Variants in CEP128 observed in about 807,000 individuals in gnomAD.
CEP128 encodes centrosomal protein 128kDa.
In CEP128, 132 loss-of-function variants were observed where a neutral mutation model predicts 156.7. That is an observed-to-expected ratio of 0.84 (90% CI 0.73 to 0.97). The LOEUF (loss-of-function observed/expected upper bound fraction) is 0.97. Ranked by LOEUF, CEP128 falls within the 50% of genes least tolerant of loss-of-function variation. The probability of loss-of-function intolerance (pLI) is 0.00; values close to 1 mark genes in which losing one functional copy is unlikely to be tolerated. For synonymous variants in CEP128, 469 were observed against 448.9 expected (o/e 1.04, Z -0.57); for missense variants, 1,252 against 1,281.9 (o/e 0.98, Z 0.36).
chr14:80,644,144 G>T (rs1330312611), intron 19 of CEP128, among the ~76,000 whole-genome samples: 1 of 152,150 alleles, frequency 6.6e-6, no homozygotes, highest in Non-Finnish European at 1.5e-5. Context: ...AGACAAAGAA[G>T]CACTCTTCCC....
At chr14:80,815,865 G>A (rs1279340528) in intron 13 of CEP128, among the ~76,000 whole-genome samples, 1 of 152,194 alleles carries the variant, frequency 6.6e-6, no homozygotes, top group African/African-American at 2.4e-5. Context: ...TTTATACGTG[G>A]AAGGTAAATA....
chr14:80,784,809 T>A, intron 15 of CEP128, 86 bp downstream of exon 15: 1 of 1,118,002 alleles, frequency 8.9e-7, no homozygotes, highest in East Asian at 2.4e-5. Flanking sequence ...GAATACAGAA[T>A]GATCTCTAAA....
At chr14:80,526,522 G>A (rs1300097384) in intron 23 of CEP128, among the ~76,000 whole-genome samples, 2 of 152,070 alleles carry the variant, frequency 1.3e-5, no homozygotes, top group Admixed American at 6.5e-5. Context: ...AGTGTGGAGA[G>A]CAGCTAGACT....
At chr14:80,804,612 C>T (rs1156815984) in intron 13 of CEP128, among the ~76,000 whole-genome samples, 2 of 151,822 alleles carry the variant, frequency 1.3e-5, no homozygotes, top group Non-Finnish European at 1.5e-5. Context: ...GATACAAATA[C>T]CACAGTGAGA....
chr14:80,517,993 G>C lies in CEP128; in HGVS notation c.3072+8876C>G, dbSNP rs186226174. 3.0e-3 allele frequency among the ~76,000 whole-genome samples: 456 copies of C among 152,100 alleles called. 1 individual carries two copies. Among genetic ancestry groups the C allele is most frequent in the Non-Finnish European group, 5.0e-3 (342 of 68,010 alleles). The stretch of plus-strand genomic sequence containing the variant: ...TCTGTGATGGCAGCAAACAGCAGTG[G>C]TGGACGGTGAGCGAAAGCTCAGCTT... On this transcript the variant is annotated intron_variant, in intron 23 of 24. Coordinates refer to ENST00000555265, the MANE Select transcript of CEP128 (RefSeq NM_152446.5).
chr14:80,613,007 A>ATTTTTTTTTTTTTT (rs66946967), intron 19 of CEP128, among the ~76,000 whole-genome samples: 3 of 114,700 alleles, frequency 2.6e-5, no homozygotes, highest in African/African-American at 9.7e-5. Flanking sequence ...CACCCGGCGA[A>ATTTTTTTTTTTTTT]TTTTTTTTTT....
chr14:80,510,055 G>A, intron 23 of CEP128, among the ~76,000 whole-genome samples: 1 of 152,126 alleles, frequency 6.6e-6, no homozygotes, highest in Non-Finnish European at 1.5e-5. Context: ...GTCAGGTAAT[G>A]TGATTCCTCC....
intron 20 of CEP128, among the ~76,000 whole-genome samples, chr14:80,563,586 T>G (rs1890787024): frequency 7.6e-6 from 1 of 132,278 alleles, no homozygotes; most frequent in African/African-American, 3.0e-5. Flanking sequence ...CAGGCTGGAG[T>G]GCAGTGGCAC....
At chr14:80,819,736 G>T (rs903584028) in intron 13 of CEP128, among the ~76,000 whole-genome samples, 9 of 152,080 alleles carry the variant, frequency 5.9e-5, no homozygotes, top group Non-Finnish European at 1.0e-4. Flanking sequence ...GGTTGTTCTA[G>T]GAAAACCAAC....
chr14:80,836,221 G>T lies in CEP128; in HGVS notation c.1041C>A (p.Asp347Glu). 6.2e-7 allele frequency: 1 copy of T among 1,613,876 alleles called. No individual in the cohort carries two copies. The highest frequency in any genetic ancestry group is 1.6e-4 in the Middle Eastern group (1 of 6,062). The change falls in exon 12 of 25, where the codon GAC becomes GAA. Residue 347 changes from aspartate to glutamate, a missense_variant. Asp to Glu is a conservative substitution (Grantham distance 45, BLOSUM62 2). Transcript: ENST00000555265. ...QSNYQDEQGE[D>E]WRFRRGVERE... ...TACTTTTACCTCTCCTAAATCTCCA[G>T]TCCTCCCCTTGTTCATCCTGATAGT...
intron 2 of CEP128, among the ~76,000 whole-genome samples, chr14:80,928,767 C>T (rs1885284693): frequency 6.6e-6 from 1 of 151,870 alleles, no homozygotes; most frequent in African/African-American, 2.4e-5. Flanking sequence ...AAGACCTAAA[C>T]CTATAAAAAA....
At chr14:80,579,198 T>C (rs550369596) in intron 20 of CEP128, among the ~76,000 whole-genome samples, 45 of 152,186 alleles carry the variant, frequency 3.0e-4, no homozygotes, top group Non-Finnish European at 5.6e-4. Context: ...ACTTTCTCAA[T>C]ATACACATTT....
At chr14:80,872,514 T>C (rs1378150363) in intron 8 of CEP128, among the ~76,000 whole-genome samples, 3 of 152,190 alleles carry the variant, frequency 2.0e-5, no homozygotes, top group African/African-American at 4.8e-5. Flanking sequence ...TAAACAACTG[T>C]AGCCTCAGAA....
intron 9 of CEP128, among the ~76,000 whole-genome samples, chr14:80,845,875 C>CATA (rs1429991550): frequency 2.0e-5 from 3 of 152,172 alleles, no homozygotes; most frequent in African/African-American, 7.2e-5. Flanking sequence ...GATGGCCTAG[C>CATA]ATAAATTCAC....
intron 19 of CEP128, among the ~76,000 whole-genome samples, chr14:80,665,185 T>A (rs543170547): frequency 1.3e-5 from 2 of 152,294 alleles, no homozygotes; most frequent in South Asian, 4.1e-4. Context: ...TTGGGAGCAG[T>A]GCTGCTTTAC....
intron 20 of CEP128, among the ~76,000 whole-genome samples, chr14:80,568,195 T>C (rs375183374): frequency 2.6e-5 from 4 of 152,182 alleles, no homozygotes; most frequent in African/African-American, 9.7e-5. Flanking sequence ...ATCTCCTTTG[T>C]TTCCCCGAAG....
intron 23 of CEP128, among the ~76,000 whole-genome samples, chr14:80,518,979 A>G (rs1341691194): frequency 6.6e-6 from 1 of 152,216 alleles, no homozygotes; most frequent in African/African-American, 2.4e-5. Flanking sequence ...AACTTCTATA[A>G]AAGTAAATTT....
intron 5 of CEP128, among the ~76,000 whole-genome samples, chr14:80,905,276 AAAC>A (rs1378588177): frequency 6.6e-6 from 1 of 152,136 alleles, no homozygotes; most frequent in African/African-American, 2.4e-5. Flanking sequence ...ATACTAAAAA[AAAC>A]AACTTTTCAA....
At chr14:80,601,689 G>A (rs1892588168) in intron 19 of CEP128, among the ~76,000 whole-genome samples, 1 of 152,046 alleles carries the variant, frequency 6.6e-6, no homozygotes, top group African/African-American at 2.4e-5. Context: ...ATAAGCAAAT[G>A]TAACACAATA....
Sources: gnomAD v4.1 joint callset for allele counts (sites outside exome capture counted in the v4.1 genomes callset) on GRCh38, gnomAD v4.1.1 for gene constraint, MANE v1.5 for transcripts, NCBI Gene and HGNC (gene_info 2026-07-23, HGNC 2026-07-21) for gene names.